Variants in ZCCHC2 observed in about 807,000 individuals in gnomAD.
ZCCHC2 encodes the protein zinc finger CCHC domain-containing protein 2.
ZCCHC2 carries 39 observed loss-of-function variants against 103.6 expected under a neutral mutation model. The observed-to-expected ratio is 0.38, with a 90% confidence interval of 0.29 to 0.49. The LOEUF is 0.49. Among genes scored for constraint, ZCCHC2 ranks in the 20% least tolerant of loss-of-function variants. ZCCHC2 has a pLI of 0.96. For missense variants in ZCCHC2, 1,483 were observed against 1,491.0 expected (o/e 0.99, Z 0.09); for synonymous variants, 687 against 608.9 (o/e 1.13, Z -1.89).
At chr18:62,524,393 C>CG in intron 1 of ZCCHC2, 30 bp downstream of exon 1, 1 of 1,439,818 alleles carries the variant, frequency 6.9e-7, no homozygotes, top group Non-Finnish European at 9.1e-7. Flanking sequence ...CCTGGACTCG[C>CG]GGTGCGATCG....
intron 1 of ZCCHC2, among the ~76,000 whole-genome samples, chr18:62,536,185 A>C (rs1016999818): frequency 6.6e-6 from 1 of 152,192 alleles, no homozygotes; most frequent in Non-Finnish European, 1.5e-5. Context: ...TGGCAAAACC[A>C]TCTAGACCAC....
In ZCCHC2 at chr18:62,539,729, A is replaced by G. The variant is rs770632463; in HGVS notation, c.988A>G (p.Ile330Val). ...CATGCAAAATAACGAGAGCAGCTTA[A>G]TAGAGCAAGCTCCAATACCTCAGGA... ...DYMQNNESSLIEQAPIPQDGL... is the reference protein window; with the variant it reads ...DYMQNNESSLVEQAPIPQDGL... Residue 330 changes from isoleucine (I) to valine (V), a missense_variant, in exon 2 of 14, where the codon ATA becomes GTA. Ile to Val is a conservative substitution (Grantham distance 29, BLOSUM62 3). Around this residue, in one of 3 missense-constraint regions of ZCCHC2, gnomAD observed 568 missense variants for 525.1 expected, o/e 1.08. Coordinates refer to ENST00000269499, the MANE Select transcript of ZCCHC2 (RefSeq NM_017742.6). 3.7e-6 allele frequency: 6 copies of G among 1,607,020 alleles called. No individual in the cohort carries two copies. The highest frequency in any genetic ancestry group is 8.5e-7 in the Non-Finnish European group (1 of 1,176,666).
chr18:62,568,583 A>G (rs1916467044), intron 11 of ZCCHC2, among the ~76,000 whole-genome samples: 1 of 152,218 alleles, frequency 6.6e-6, no homozygotes, highest in East Asian at 1.9e-4. Flanking sequence ...AGTTTTGTAA[A>G]TTATGCCATT....
At chr18:62,527,754 G>A (rs1424496594) in intron 1 of ZCCHC2, among the ~76,000 whole-genome samples, 2 of 152,162 alleles carry the variant, frequency 1.3e-5, no homozygotes, top group Non-Finnish European at 2.9e-5. Context: ...GTTACAGACT[G>A]CTTATATAGC....
intron 1 of ZCCHC2, among the ~76,000 whole-genome samples, chr18:62,537,822 T>C (rs1440245909): frequency 6.6e-6 from 1 of 152,232 alleles, no homozygotes; most frequent in Non-Finnish European, 1.5e-5. Context: ...CATAAAATAA[T>C]TCTGTGTTTA....
chr18:62,576,414 G>T (rs1381695623), intron 13 of ZCCHC2, 98 bp from the exon 14 acceptor site: 5 of 1,003,346 alleles, frequency 5.0e-6, no homozygotes, highest in African/African-American at 1.6e-5. Flanking sequence ...TGACGAAGGT[G>T]CCTTGTGGAG....
chr18:62,550,275 T>G, intron 4 of ZCCHC2, 73 bp from the exon 5 acceptor site: 1 of 1,107,790 alleles, frequency 9.0e-7, no homozygotes, highest in Non-Finnish European at 1.3e-6. Flanking sequence ...CTTCATTTTA[T>G]GCATATAACT....
chr18:62,564,571 C>T lies in ZCCHC2; in HGVS notation c.1687C>T (p.His563Tyr). ...TTTGTCTTTTTATTCTTTCTACTAG[C>T]ATTCTGCTGAAAAACGGAGTTTATC... ...PEHCVTSADQHSAEKRSLSSI... is the reference protein window; with the variant it reads ...PEHCVTSADQYSAEKRSLSSI... Residue 563 changes from histidine (H) to tyrosine (Y), a missense_variant and splice_region_variant, in exon 10 of 14, where the codon CAT becomes TAT. Physicochemically the swap from His to Tyr is moderately conservative, Grantham distance 83 (BLOSUM62 2). This residue lies in a region of ZCCHC2 where 884 missense variants were observed against 907.5 expected (regional missense o/e 0.97). Transcript: ENST00000269499. The T allele has an allele frequency of 6.5e-7, 1 of 1,534,408 alleles. No individual in the cohort carries two copies. Among genetic ancestry groups the T allele is most frequent in the Non-Finnish European group, 8.8e-7 (1 of 1,138,292 alleles).
At chr18:62,584,126 A>G (rs1175444343) in intron 14 of ZCCHC2, among the ~76,000 whole-genome samples, 1 of 152,184 alleles carries the variant, frequency 6.6e-6, no homozygotes, top group Non-Finnish European at 1.5e-5. Context: ...CTGTTGAAAA[A>G]TGTAAGCCCC....
chr18:62,554,877 C>G (rs1218574428), intron 5 of ZCCHC2, among the ~76,000 whole-genome samples: 1 of 152,060 alleles, frequency 6.6e-6, no homozygotes, highest in African/African-American at 2.4e-5. Flanking sequence ...ATTAGAAGAC[C>G]AAGAAGCAAT....
Position 62,558,715 on chromosome 18 carries a change from T to G in ZCCHC2, c.1437T>G (p.Ser479=). The change falls in exon 7 of 14, where the codon TCT becomes TCG. Residue 479 remains serine, a synonymous_variant. Coordinates refer to ENST00000269499, the MANE Select transcript of ZCCHC2 (RefSeq NM_017742.6). ...ACTTACAATCCTCTCTGAAGACTTC[T>G]AAGATATTAGAACACTTAAAAGAAG... ...INNLQSSLKT[S]KILEHLKEDS... 5 of 1,547,202 alleles carry G rather than the reference T, an allele frequency of 3.2e-6. No individual in the cohort carries two copies. Among genetic ancestry groups the G allele is most frequent in the Non-Finnish European group, 4.4e-6 (5 of 1,145,298 alleles).
In ZCCHC2 at chr18:62,523,385, GC is replaced by G; in HGVS notation, c.-37del. 5.7e-6 allele frequency: 1 copy of G among 174,546 alleles called. No homozygotes were observed. The highest frequency in any genetic ancestry group is 2.4e-4 in the South Asian group (1 of 4,228). The allele number at this position is 174,546 out of a possible 1,614,324, so 10.8% of individuals were successfully genotyped here. A position where few individuals can be genotyped will look rare whatever the true frequency, so the allele number is the denominator to read the frequency against. On this transcript the variant is annotated 5_prime_UTR_variant, in exon 1 of 14. Coordinates refer to ENST00000269499, the MANE Select transcript of ZCCHC2 (RefSeq NM_017742.6). ...CGTGCTCCACCTCGCGGCCCCTCCCGCCCGCCCCCGCTCGCATGTCTGCGCC... is the reference window on the plus strand; with the variant it reads ...CGTGCTCCACCTCGCGGCCCCTCCCGCCGCCCCCGCTCGCATGTCTGCGCC...
chr18:62,523,203 C>T lies in ZCCHC2; in HGVS notation c.-222C>T. ...CGAGGAGCCCAGGGGGAGGAGCCGT[C>T]GCGGGCACGCCCCGCCCCCAGCCCG... On this transcript the variant is annotated 5_prime_UTR_variant, in exon 1 of 14. Transcript: ENST00000269499. 1 of 191,804 alleles carries T rather than the reference C, an allele frequency of 5.2e-6. No individual in the cohort carries two copies. Among genetic ancestry groups the T allele is most frequent in the Non-Finnish European group, 9.6e-6 (1 of 104,388 alleles). 11.9% of individuals were successfully genotyped at this position (191,804 alleles called of 1,614,324 possible).
At chr18:62,541,414 G>A (rs1915171775) in intron 2 of ZCCHC2, among the ~76,000 whole-genome samples, 2 of 152,142 alleles carry the variant, frequency 1.3e-5, no homozygotes, top group Admixed American at 1.3e-4. Flanking sequence ...ACCTTCCGTG[G>A]TCTTTTAACA....
intron 12 of ZCCHC2, among the ~76,000 whole-genome samples, chr18:62,573,342 G>A (rs995196892): frequency 2.0e-5 from 3 of 152,060 alleles, no homozygotes; most frequent in Admixed American, 1.3e-4. Flanking sequence ...CTAGGTCCAC[G>A]CTATTTCTGT....
Position 62,523,459 on chromosome 18 carries a change from A to C in ZCCHC2, c.35A>C (p.His12Pro), listed in dbSNP as rs1262973893. ...ATGAAGCTGCCGCTGAAGCCAACGC[A>C]CCCCGCGGAGCCGCCGCCCGAGGCG... ...LRMKLPLKPT[H>P]PAEPPPEAEE... Residue 12 changes from histidine to proline, a missense_variant, in exon 1 of 14, where the codon CAC (histidine) becomes CCC (proline). His to Pro is a moderately conservative substitution (Grantham distance 77). Around this residue, in one of 3 missense-constraint regions of ZCCHC2, gnomAD observed 568 missense variants for 525.1 expected, o/e 1.08. Coordinates refer to ENST00000269499, the MANE Select transcript of ZCCHC2 (RefSeq NM_017742.6). 1 of 1,080,674 alleles carries C rather than the reference A, an allele frequency of 9.3e-7. No homozygotes were observed. Among genetic ancestry groups the C allele is most frequent in the East Asian group, 1.2e-4 (1 of 8,544 alleles). 66.9% of individuals were successfully genotyped at this position (1,080,674 alleles called of 1,614,324 possible).
At chr18:62,529,328 C>T (rs1156804513) in intron 1 of ZCCHC2, among the ~76,000 whole-genome samples, 1 of 152,088 alleles carries the variant, frequency 6.6e-6, no homozygotes, top group African/African-American at 2.4e-5. Context: ...GCTTCCCTCC[C>T]GCCACTCTGG....
intron 9 of ZCCHC2, 81 bp downstream of exon 9, chr18:62,563,225 C>A: frequency 6.7e-7 from 1 of 1,485,782 alleles, no homozygotes; most frequent in Non-Finnish European, 9.2e-7. Flanking sequence ...TGTAAGCTTT[C>A]AGTCAGACAG....
At chr18:62,565,157 C>T in intron 11 of ZCCHC2, 61 bp downstream of exon 11, 1 of 1,254,530 alleles carries the variant, frequency 8.0e-7, no homozygotes, top group African/African-American at 1.5e-5. Context: ...ATGATACTTA[C>T]TGTATTAATA....
Sources: gnomAD v4.1 joint callset for allele counts (sites outside exome capture counted in the v4.1 genomes callset) on GRCh38, gnomAD v4.1.1 for gene constraint, gnomAD v4.1.1 regional missense constraint, MANE v1.5 for transcripts, NCBI Gene and HGNC (gene_info 2026-07-23, HGNC 2026-07-21) for gene names.